CSMD3: variants seen among roughly 807,000 people sequenced by gnomAD.
The protein encoded by CSMD3 is CUB and sushi domain-containing protein 3.
Under a neutral mutation model 435.2 loss-of-function variants are expected in CSMD3, and 177 were observed. That is an observed-to-expected ratio of 0.41 (90% CI 0.36 to 0.46). The LOEUF (loss-of-function observed/expected upper bound fraction) is 0.46, where lower values mean the gene tolerates loss of function less well. Among genes scored for constraint, CSMD3 ranks in the 20% least tolerant of loss-of-function variants. The pLI, the probability that CSMD3 is intolerant of heterozygous loss-of-function variation, is 0.34. For synonymous variants in CSMD3, 1,656 were observed against 1,520.5 expected, an observed-to-expected ratio of 1.09 and a Z score of -2.07; for missense variants, 4,265 against 4,504.6, an observed-to-expected ratio of 0.95 and a Z score of 1.52.
intron 32 of CSMD3, among the ~76,000 whole-genome samples, chr8:112,467,811 G>A (rs1818111814): frequency 6.6e-6 from 1 of 152,112 alleles, no homozygotes; most frequent in Non-Finnish European, 1.5e-5. Flanking sequence ...ATAAGCCCAG[G>A]AACCTCAAGG....
At chr8:112,272,085 T>C (rs1011790158) in intron 59 of CSMD3, among the ~76,000 whole-genome samples, 7 of 152,324 alleles carry the variant, frequency 4.6e-5, no homozygotes, top group African/African-American at 7.2e-5. Flanking sequence ...CAAGGTGCCA[T>C]CTTAGAAGCA....
At chr8:112,448,371 A>G (rs12677631) in intron 32 of CSMD3, among the ~76,000 whole-genome samples, 6 of 152,164 alleles carry the variant, frequency 3.9e-5, no homozygotes, top group Admixed American at 3.9e-4. Context: ...GGGTGGACAC[A>G]ATTCCCACTC....
intron 38 of CSMD3, among the ~76,000 whole-genome samples, chr8:112,370,076 AAGAAGAAGT>A (rs1181260910): frequency 1.3e-4 from 18 of 140,532 alleles, no homozygotes; most frequent in South Asian, 4.8e-4. Flanking sequence ...GAAGAAGAAG[AAGAAGAAGT>A]AGTAGTAGTA....
At chr8:112,606,041 G>A (rs1367881068) in intron 22 of CSMD3, among the ~76,000 whole-genome samples, 1 of 152,128 alleles carries the variant, frequency 6.6e-6, no homozygotes. Context: ...CTCTGAAGCA[G>A]CCTCAACTTA....
At chr8:112,649,168 T>A (rs1164889432) in intron 19 of CSMD3, among the ~76,000 whole-genome samples, 1 of 152,228 alleles carries the variant, frequency 6.6e-6, no homozygotes, top group Non-Finnish European at 1.5e-5. Flanking sequence ...TAAAAAGTTT[T>A]GAATTTATGC....
chr8:112,889,415 G>C (rs932226352), intron 10 of CSMD3, among the ~76,000 whole-genome samples: 8 of 151,600 alleles, frequency 5.3e-5, no homozygotes, highest in Non-Finnish European at 8.9e-5. Context: ...ATATGCTTGA[G>C]AAACATCAAG....
intron 30 of CSMD3, 57 bp downstream of exon 30, chr8:112,503,733 C>T (rs2130913714): frequency 3.9e-6 from 5 of 1,268,512 alleles, no homozygotes; most frequent in Non-Finnish European, 5.7e-6. Context: ...AATTATTCTC[C>T]TGTATAAAAT....
At chr8:112,357,259 C>T (rs1040581047) in intron 38 of CSMD3, among the ~76,000 whole-genome samples, 12 of 152,194 alleles carry the variant, frequency 7.9e-5, no homozygotes, top group Admixed American at 2.6e-4. Flanking sequence ...TGCCCCTGCC[C>T]TAGAGATTTG....
chr8:112,274,794 A>G (rs1431802696), intron 59 of CSMD3, among the ~76,000 whole-genome samples: 1 of 152,198 alleles, frequency 6.6e-6, no homozygotes, highest in East Asian at 1.9e-4. Flanking sequence ...GAAAAATAAT[A>G]CCTCATGCAA....
chr8:112,529,956 A>T (rs1586610055), intron 27 of CSMD3, among the ~76,000 whole-genome samples: 1 of 152,292 alleles, frequency 6.6e-6, no homozygotes, highest in East Asian at 1.9e-4. Context: ...TCCAACAAAC[A>T]GATAGAAAAT....
At chr8:113,323,376 T>C (rs1339224980) in intron 1 of CSMD3, among the ~76,000 whole-genome samples, 1 of 152,172 alleles carries the variant, frequency 6.6e-6, no homozygotes, top group African/African-American at 2.4e-5. Context: ...ACTATTATTA[T>C]TTTACTAGTG....
At position 113,328,804 on chromosome 8, in the gene CSMD3, A is replaced by G. The variant is rs2094004887; in HGVS notation, c.179-14011T>C. Among the ~76,000 whole-genome samples the G allele has an allele frequency of 3.2e-5, 4 of 124,070 alleles. No individual in the cohort carries two copies. The South Asian group carries it at 1.0e-3, about 31-fold the overall frequency. 81.4% of individuals were successfully genotyped at this position (124,070 alleles called of 152,430 possible). On this transcript the variant is annotated intron_variant, in intron 1 of 70. Transcript: ENST00000297405. ...ACCCAGGCTGGAGTACAGTGGCGTG[A>G]TAACGACTCATGGCAGCCTCAACCT... is the stretch of plus-strand genomic sequence containing the variant.
chr8:112,366,704 T>C (rs1184719164), intron 38 of CSMD3, among the ~76,000 whole-genome samples: 1 of 152,096 alleles, frequency 6.6e-6, no homozygotes, highest in Non-Finnish European at 1.5e-5. Context: ...AGCCAGGCAT[T>C]CACCTTATAG....
chr8:112,697,731 T>TA (rs1011672012), intron 13 of CSMD3, among the ~76,000 whole-genome samples: 29 of 150,070 alleles, frequency 1.9e-4, no homozygotes, highest in Admixed American at 1.1e-3. Flanking sequence ...TAAAGTATAA[T>TA]AAAAAAAAAT....
chr8:112,565,206 A>T (rs1012281094), intron 24 of CSMD3, among the ~76,000 whole-genome samples: 11 of 152,210 alleles, frequency 7.2e-5, no homozygotes, highest in Non-Finnish European at 1.6e-4. Flanking sequence ...TTGATATTTT[A>T]AAAATGTAAG....
At chr8:112,373,215 T>A (rs979285132) in intron 38 of CSMD3, among the ~76,000 whole-genome samples, 3 of 151,942 alleles carry the variant, frequency 2.0e-5, no homozygotes, top group Non-Finnish European at 2.9e-5. Context: ...TATCCTTTTT[T>A]ATAGAAAACC....
At chr8:112,478,557 A>T (rs1481893707) in intron 31 of CSMD3, among the ~76,000 whole-genome samples, 1 of 152,166 alleles carries the variant, frequency 6.6e-6, no homozygotes, top group African/African-American at 2.4e-5. Flanking sequence ...GTGCAAACTT[A>T]AAGTTAAGAG....
intron 6 of CSMD3, among the ~76,000 whole-genome samples, chr8:112,978,728 A>ATGT (rs1420221587): frequency 6.6e-6 from 1 of 152,068 alleles, no homozygotes; most frequent in Admixed American, 6.6e-5. Flanking sequence ...ACCAGTTCTT[A>ATGT]TGTTTTACTT....
intron 23 of CSMD3, among the ~76,000 whole-genome samples, chr8:112,578,411 T>C (rs1830103943): frequency 6.6e-6 from 1 of 151,880 alleles, no homozygotes; most frequent in South Asian, 2.1e-4. Flanking sequence ...ATTTTCCTTA[T>C]CCTTAATGGA....
Sources: gnomAD v4.1 joint callset for allele counts (sites outside exome capture counted in the v4.1 genomes callset) on GRCh38, gnomAD v4.1.1 for gene constraint, MANE v1.5 for transcripts, NCBI Gene and HGNC (gene_info 2026-07-23, HGNC 2026-07-21) for gene names.